Variants in AGAP1 observed in about 807,000 individuals in gnomAD.
The protein encoded by AGAP1 is arf-GAP with GTPase, ANK repeat and PH domain-containing protein 1.
In AGAP1, 29 loss-of-function variants were observed where a neutral mutation model predicts 105.3. The observed-to-expected ratio is 0.28, with a 90% confidence interval of 0.21 to 0.38. The LOEUF is 0.38. AGAP1 is among the 10% of genes least tolerant of loss of function. The pLI is 1.00. For synonymous variants in AGAP1, 509 were observed against 485.9 expected (o/e 1.05, Z -0.63); for missense variants, 998 against 1,165.1 (o/e 0.86, Z 2.09).
In AGAP1 at chr2:235,633,652, G is replaced by A. The variant is rs1946899971; in HGVS notation, c.164-75527G>A. On this transcript the variant is annotated intron_variant, in intron 1 of 17. Transcript: ENST00000304032. The surrounding 1 kb of genome is among the most constrained non-coding windows in gnomAD (Gnocchi z 4.8). Reference sequence around the variant, plus strand: ...TGGAGTGGGGAGACCTACAAGGCCTGTCTGTTCAGATTCCTCTTGGCCTCT... The same window carrying A: ...TGGAGTGGGGAGACCTACAAGGCCTATCTGTTCAGATTCCTCTTGGCCTCT... Among the ~76,000 whole-genome samples, 1 of 152,160 alleles carries A rather than the reference G, an allele frequency of 6.6e-6. No homozygotes were observed. The highest frequency in any genetic ancestry group is 2.4e-5 in the African/African-American group (1 of 41,434).
intron 10 of AGAP1, among the ~76,000 whole-genome samples, chr2:235,907,662 G>A (rs989445305): frequency 7.9e-5 from 12 of 152,140 alleles, no homozygotes; most frequent in African/African-American, 2.9e-4. Context: ...ATGGGGGATT[G>A]GCTCCAGGAC....
At chr2:235,909,542 C>T (rs1310716359) in intron 11 of AGAP1, among the ~76,000 whole-genome samples, 2 of 152,128 alleles carry the variant, frequency 1.3e-5, no homozygotes, top group African/African-American at 4.8e-5. Context: ...CAAATAATTG[C>T]CCTGTGTCAT....
At chr2:235,895,171 T>G (rs368982981) in intron 10 of AGAP1, among the ~76,000 whole-genome samples, 1 of 152,232 alleles carries the variant, frequency 6.6e-6, no homozygotes, top group South Asian at 2.1e-4. Flanking sequence ...ACCTGTAGGC[T>G]GTATGAAGAA....
At chr2:235,809,235 T>C (rs1958001375) in intron 9 of AGAP1, among the ~76,000 whole-genome samples, 1 of 152,138 alleles carries the variant, frequency 6.6e-6, no homozygotes. Flanking sequence ...CTTTGCAGGC[T>C]AGCTTTTCAA....
At chr2:236,023,455 G>C (rs932037408) in intron 13 of AGAP1, among the ~76,000 whole-genome samples, 17 of 152,286 alleles carry the variant, frequency 1.1e-4, no homozygotes, top group Non-Finnish European at 1.5e-5. Flanking sequence ...AACCCATAGC[G>C]AAAACTCACT....
At chr2:235,674,197 G>A (rs1948599319) in intron 1 of AGAP1, among the ~76,000 whole-genome samples, 1 of 152,160 alleles carries the variant, frequency 6.6e-6, no homozygotes, top group Non-Finnish European at 1.5e-5. Flanking sequence ...GTTCAGGGCT[G>A]CTCCCTCTGT....
rs566931695 is a variant in AGAP1, at chr2:235,552,188, G to A, written c.163+57339G>A. ...TGTTCATTGCCCCGTAACTCTGGCC[G>A]CGGTAGTCTGGACAGGGCTTCTGAG... On this transcript the variant is annotated intron_variant, in intron 1 of 17. Coordinates refer to ENST00000304032, the MANE Select transcript of AGAP1 (RefSeq NM_001037131.3). This position sits in a 1 kb window ranked among gnomAD's most constrained non-coding sequence, Gnocchi z 5.9. 2.7e-4 allele frequency among the ~76,000 whole-genome samples: 41 copies of A among 152,274 alleles called. No homozygotes were observed. The highest frequency in any genetic ancestry group is 9.4e-4 in the African/African-American group (39 of 41,556).
At chr2:235,917,511 C>T (rs938634050) in intron 11 of AGAP1, among the ~76,000 whole-genome samples, 2 of 152,118 alleles carry the variant, frequency 1.3e-5, no homozygotes, top group East Asian at 1.9e-4. Context: ...TCCACTTAGC[C>T]GGCTCTAAAG....
rs116636146 is a variant in AGAP1 at position 235,706,601 on chromosome 2, G to A, written c.164-2578G>A. 8.9e-3 allele frequency among the ~76,000 whole-genome samples: 1,347 copies of A among 152,198 alleles called. 26 individuals carry two copies. Among genetic ancestry groups the A allele is most frequent in the African/African-American group, 0.031 (1,290 of 41,512 alleles). Reference sequence around the variant, plus strand: ...TGAGGATCCTATCCATCTCTGTATCGCACCTGGCTGTCATCACTTGATAGT... The same window carrying A: ...TGAGGATCCTATCCATCTCTGTATCACACCTGGCTGTCATCACTTGATAGT... On this transcript the variant is annotated intron_variant, in intron 1 of 17. Transcript: ENST00000304032.
At chr2:235,861,069 A>G (rs1300213639) in intron 9 of AGAP1, among the ~76,000 whole-genome samples, 1 of 152,234 alleles carries the variant, frequency 6.6e-6, no homozygotes, top group Non-Finnish European at 1.5e-5. Flanking sequence ...ATGGGGCATG[A>G]AATGCAATAC....
At chr2:235,669,563 G>C (rs963874305) in intron 1 of AGAP1, 3 of 147,936 alleles carry the variant, frequency 2.0e-5, no homozygotes, top group Admixed American at 6.8e-5. Flanking sequence ...GCGGCCCGCG[G>C]TCCCTTGCAC....
At chr2:236,032,879 A>G (rs1403427585) in intron 13 of AGAP1, among the ~76,000 whole-genome samples, 1 of 152,220 alleles carries the variant, frequency 6.6e-6, no homozygotes, top group Non-Finnish European at 1.5e-5. Context: ...GTTGAGTGAC[A>G]TAGAAGATAC....
intron 1 of AGAP1, among the ~76,000 whole-genome samples, chr2:235,632,514 C>T (rs1311630495): frequency 6.6e-6 from 1 of 152,192 alleles, no homozygotes; most frequent in Non-Finnish European, 1.5e-5. Flanking sequence ...GCTGGCAAGT[C>T]TGAAACACAC....
At position 235,968,566 on chromosome 2, in the gene AGAP1, C is replaced by G. The variant is rs953171934; in HGVS notation, c.1588C>G (p.Arg530Gly). 3.6e-6 allele frequency: 5 copies of G among 1,372,446 alleles called. No individual in the cohort carries two copies. The highest frequency in any genetic ancestry group is 4.8e-6 in the Non-Finnish European group (5 of 1,031,626). The allele number at this position is 1,372,446 out of a possible 1,614,324, so 85.0% of individuals were successfully genotyped here. A position where few individuals can be genotyped will look rare whatever the true frequency, so the allele number is the denominator to read the frequency against. ...CCCTCACGCCAACAGAAAGAAGCAC[C>G]GAAGGAAGAAAAGCACTAGCAACTT... ...PSPHANRKKH[R>G]RKKSTSNFKA... Residue 530 changes from arginine (R) to glycine (G), a missense_variant, in exon 13 of 18, where the codon CGA (arginine) becomes GGA (glycine). Transcript: ENST00000304032.
rs2059908187 is a variant in AGAP1 at position 236,121,848 on chromosome 2, G to A, written c.2370+1401G>A. 6.6e-6 allele frequency among the ~76,000 whole-genome samples: 1 copy of A among 152,210 alleles called. No individual in the cohort carries two copies. The highest frequency in any genetic ancestry group is 2.1e-4 in the South Asian group (1 of 4,832). ...ACAAGATCAAAGGGCCAGCAGGAAT[G>A]GTTCCTGGCGAGGCCTCTCTCACGG... is the stretch of plus-strand genomic sequence containing the variant. On this transcript the variant is annotated intron_variant, in intron 17 of 17. Transcript: ENST00000304032. The surrounding 1 kb of genome is among the most constrained non-coding windows in gnomAD (Gnocchi z 4.9).
rs778559280 is a variant in AGAP1 at position 235,908,640 on chromosome 2, G to T, written c.1156-98G>T. On this transcript the variant is annotated intron_variant, in intron 10 of 17. Coordinates refer to ENST00000304032, the MANE Select transcript of AGAP1 (RefSeq NM_001037131.3). This position sits in a 1 kb window ranked among gnomAD's most constrained non-coding sequence, Gnocchi z 4.4. ...ACTTTCCACAGTGGAAGGGTCATAG[G>T]GTTTTAACTCATGACGTCTGATAGA... 56 of 1,150,994 alleles carry T rather than the reference G, an allele frequency of 4.9e-5. No individual in the cohort carries two copies. In the Admixed American group the frequency reaches 1.3e-3, roughly 28 times the overall value. 71.3% of individuals were successfully genotyped at this position (1,150,994 alleles called of 1,614,324 possible).
intron 1 of AGAP1, among the ~76,000 whole-genome samples, chr2:235,648,807 A>G (rs1480779823): frequency 1.3e-5 from 2 of 151,864 alleles, no homozygotes; most frequent in Non-Finnish European, 2.9e-5. Context: ...GAATCACTTG[A>G]ACCTGGGAGG....
intron 1 of AGAP1, among the ~76,000 whole-genome samples, chr2:235,515,820 G>A (rs1356728751): frequency 6.6e-6 from 1 of 152,122 alleles, no homozygotes; most frequent in South Asian, 2.1e-4. Context: ...AATTAAACAC[G>A]CACAGAGCTG....
chr2:235,903,648 A>G (rs2051164766), intron 10 of AGAP1, among the ~76,000 whole-genome samples: 1 of 152,220 alleles, frequency 6.6e-6, no homozygotes, highest in Non-Finnish European at 1.5e-5. Context: ...CCATTTACTG[A>G]GGACGGGAGA....
Sources: allele counts gnomAD v4.1 joint callset (sites outside exome capture counted in the v4.1 genomes callset), GRCh38; gene constraint gnomAD v4.1.1; non-coding constraint Gnocchi (gnomAD v3.1); transcripts MANE v1.5; gene names NCBI Gene and HGNC (gene_info 2026-07-23, HGNC 2026-07-21).